Variants in ARHGEF4 observed in about 807,000 individuals in gnomAD.
The protein encoded by ARHGEF4 is Rho guanine nucleotide exchange factor 4, also known as APC-stimulated guanine nucleotide exchange factor 1.
In ARHGEF4, 119 loss-of-function variants were observed where a neutral mutation model predicts 162.0. That is an observed-to-expected ratio of 0.73 (90% CI 0.63 to 0.86). The LOEUF is 0.86. Among genes scored for constraint, ARHGEF4 ranks in the 40% least tolerant of loss-of-function variants. The probability of loss-of-function intolerance (pLI) is 0.00; values close to 1 mark genes in which losing one functional copy is unlikely to be tolerated. For synonymous variants in ARHGEF4, 1,014 were observed against 979.9 expected, an observed-to-expected ratio of 1.03 and a Z score of -0.65; for missense variants, 2,488 against 2,456.0, an observed-to-expected ratio of 1.01 and a Z score of -0.28.
At chr2:130,977,566 G>A (rs941897506) in intron 4 of ARHGEF4, among the ~76,000 whole-genome samples, 6 of 151,890 alleles carry the variant, frequency 4.0e-5, no homozygotes, top group Admixed American at 1.3e-4. Context: ...TGTGTGTTGG[G>A]CATGTTACAT....
intron 6 of ARHGEF4, chr2:131,039,282 A>G: frequency 5.5e-6 from 7 of 1,271,466 alleles, no homozygotes; most frequent in Non-Finnish European, 7.0e-6. Flanking sequence ...GACACTAGGC[A>G]CCCCTCTGCG....
At chr2:130,917,954 T>G (rs1681623923) in intron 2 of ARHGEF4, among the ~76,000 whole-genome samples, 1 of 151,932 alleles carries the variant, frequency 6.6e-6, no homozygotes, top group African/African-American at 2.4e-5. Flanking sequence ...CACGAGTAGA[T>G]TGGATTACAG....
chr2:131,003,252 C>T lies in ARHGEF4; in HGVS notation c.3986-24693C>T, dbSNP rs565644932. Among the ~76,000 whole-genome samples the T allele has an allele frequency of 7.9e-5, 12 of 152,294 alleles. No homozygotes were observed. In the South Asian group the frequency reaches 2.5e-3, roughly 32 times the overall value. On this transcript the variant is annotated intron_variant, in intron 4 of 13. Transcript: ENST00000409359. ...CAGAGGTCCAGGTCATGCCGTAAGA[C>T]ACACCCCCTCTGCACCTCAGTTCCT...
At chr2:130,985,917 C>T (rs1232313732) in intron 4 of ARHGEF4, among the ~76,000 whole-genome samples, 1 of 150,018 alleles carries the variant, frequency 6.7e-6, no homozygotes, top group Admixed American at 6.6e-5. Flanking sequence ...GATGTGCGTG[C>T]GTAGGGTGTG....
intron 1 of ARHGEF4, among the ~76,000 whole-genome samples, chr2:130,908,763 A>C (rs895356544): frequency 6.6e-6 from 1 of 152,204 alleles, no homozygotes; most frequent in Non-Finnish European, 1.5e-5. Context: ...CACAGACTGG[A>C]AGAAACTGTT....
At chr2:130,924,320 G>A (rs1282377480) in intron 2 of ARHGEF4, among the ~76,000 whole-genome samples, 1 of 150,040 alleles carries the variant, frequency 6.7e-6, no homozygotes, top group African/African-American at 2.5e-5. Context: ...ACTGTCACGG[G>A]CAGTGGCATG....
chr2:130,847,376 A>G (rs1022299866), intron 1 of ARHGEF4, among the ~76,000 whole-genome samples: 5 of 152,248 alleles, frequency 3.3e-5, no homozygotes, highest in Non-Finnish European at 7.3e-5. Flanking sequence ...ATGGGCACCC[A>G]GAGGCATCTG....
chr2:130,889,701 A>G (rs1281647821), intron 1 of ARHGEF4, among the ~76,000 whole-genome samples: 1 of 148,420 alleles, frequency 6.7e-6, no homozygotes, highest in Non-Finnish European at 1.5e-5. Context: ...AATCCCAGCT[A>G]CTCGGGAGGC....
rs79876461 is a variant in ARHGEF4, at chr2:130,993,127, C to G, written c.3986-34818C>G. On this transcript the variant is annotated intron_variant, in intron 4 of 13. Coordinates refer to ENST00000409359, the MANE Select transcript of ARHGEF4 (RefSeq NM_001367493.1). ...TAGACATCAAGGCTGCTCTCTTTTC[C>G]AGTACAAGCCTAAGGCTATATATTT... Among the ~76,000 whole-genome samples the G allele has an allele frequency of 1.0e-3, 156 of 152,214 alleles. 1 individual carries two copies. The highest frequency in any genetic ancestry group is 3.7e-3 in the African/African-American group (152 of 41,554).
In ARHGEF4 at chr2:130,931,237, G is replaced by A. The variant is rs760984082; in HGVS notation, c.3838G>A (p.Val1280Met). ...CGAAAGGAGGCTGCACATAGGGGCA[G>A]TGCACAAAGATGGAGTCAAGGTAAG... ...HVERRLHIGA[V>M]HKDGVKCWRK... Residue 1280 changes from valine to methionine, a missense_variant, in exon 3 of 14, where the codon GTG (valine) becomes ATG (methionine). Val to Met is a conservative substitution (Grantham distance 21, BLOSUM62 1). Transcript: ENST00000409359. 1 of 1,610,358 alleles carries A rather than the reference G, an allele frequency of 6.2e-7. No individual in the cohort carries two copies. The highest frequency in any genetic ancestry group is 8.5e-7 in the Non-Finnish European group (1 of 1,177,424).
intron 4 of ARHGEF4, among the ~76,000 whole-genome samples, chr2:130,968,746 C>T (rs974668437): frequency 2.0e-5 from 3 of 152,046 alleles, no homozygotes; most frequent in South Asian, 2.1e-4. Flanking sequence ...AGTGAAACCC[C>T]GTCTCTACTA....
chr2:130,851,514 C>T (rs980019879), intron 1 of ARHGEF4, among the ~76,000 whole-genome samples: 3 of 152,242 alleles, frequency 2.0e-5, no homozygotes, highest in South Asian at 2.1e-4. Context: ...GCCTGCCCTT[C>T]GCCCACCGTG....
intron 12 of ARHGEF4, 38 bp downstream of exon 12, chr2:131,044,580 C>T: frequency 6.5e-7 from 1 of 1,532,960 alleles, no homozygotes; most frequent in Non-Finnish European, 8.8e-7. Context: ...GCCCCCAGGG[C>T]CCACCCGGCG....
In ARHGEF4 at chr2:130,876,862, C is replaced by T. The variant is rs553606929; in HGVS notation, c.40-37124C>T. On this transcript the variant is annotated intron_variant, in intron 1 of 13. Coordinates refer to ENST00000409359, the MANE Select transcript of ARHGEF4 (RefSeq NM_001367493.1). The stretch of plus-strand genomic sequence containing the variant: ...GTGATCTTTCAGGGTTGTCCTTTCT[C>T]CTGAAGTAAAGGCTCAGCAGCTCTT... Among the ~76,000 whole-genome samples the T allele has an allele frequency of 2.6e-5, 4 of 152,246 alleles. No individual in the cohort carries two copies. The South Asian group carries it at 8.3e-4, about 32-fold the overall frequency.
rs879763517 is a variant in ARHGEF4, at chr2:130,914,822, C to T, written c.876C>T (p.Val292=). ...ELLWSQPHSD[V]PCQPPLRTSC... is the part of the protein sequence containing the mutation. ...TCTGGTCCCAGCCCCACTCGGATGT[C>T]CCCTGCCAGCCTCCTTTGAGGACAT... The change falls in exon 2 of 14, where the codon GTC becomes GTT. Residue 292 remains valine (V), a synonymous_variant. Coordinates refer to ENST00000409359, the MANE Select transcript of ARHGEF4 (RefSeq NM_001367493.1). 2.1e-6 allele frequency: 3 copies of T among 1,455,722 alleles called. No homozygotes were observed. The highest frequency in any genetic ancestry group is 2.7e-5 in the Admixed American group (1 of 36,876). The allele number at this position is 1,455,722 out of a possible 1,614,324, so 90.2% of individuals were successfully genotyped here.
At chr2:131,043,932 G>A (rs998559984) in intron 11 of ARHGEF4, among the ~76,000 whole-genome samples, 8 of 152,054 alleles carry the variant, frequency 5.3e-5, no homozygotes, top group Non-Finnish European at 1.0e-4. Flanking sequence ...CTTCCTCTAC[G>A]CTGCCGGCTT....
Position 131,032,376 on chromosome 2 carries a change from T to C in ARHGEF4, c.4125+4292T>C, listed in dbSNP as rs544859946. Reference sequence around the variant, plus strand: ...TCACTCTGACTCGCTCCAGGTGTTTTTGTCTTCCCTGAGTTCCCGTGCCGC... The same window carrying C: ...TCACTCTGACTCGCTCCAGGTGTTTCTGTCTTCCCTGAGTTCCCGTGCCGC... On this transcript the variant is annotated intron_variant, in intron 5 of 13. Transcript: ENST00000409359. 2.1e-3 allele frequency among the ~76,000 whole-genome samples: 321 copies of C among 152,096 alleles called. 2 individuals carry two copies. The highest frequency in any genetic ancestry group is 3.5e-3 in the Non-Finnish European group (236 of 67,962).
At chr2:130,912,625 G>C (rs1479979443) in intron 1 of ARHGEF4, among the ~76,000 whole-genome samples, 1 of 152,102 alleles carries the variant, frequency 6.6e-6, no homozygotes, top group Non-Finnish European at 1.5e-5. Flanking sequence ...TCAGTACAAA[G>C]CTTGTGTCAA....
intron 1 of ARHGEF4, among the ~76,000 whole-genome samples, chr2:130,898,368 G>A (rs140862135): frequency 1.9e-3 from 291 of 152,318 alleles, no homozygotes; most frequent in Non-Finnish European, 2.0e-3. Context: ...CAGGGTAAGC[G>A]GTTATGTCGC....
Sources: allele counts gnomAD v4.1 joint callset (sites outside exome capture counted in the v4.1 genomes callset), GRCh38; gene constraint gnomAD v4.1.1; transcripts MANE v1.5; gene names NCBI Gene and HGNC (gene_info 2026-07-23, HGNC 2026-07-21).